The following CSMD3 variants were observed in gnomAD, a reference collection of about 807,000 sequenced individuals.
The protein encoded by CSMD3 is CUB and sushi domain-containing protein 3.
CSMD3 carries 177 observed loss-of-function variants against 435.2 expected under a neutral mutation model. The observed-to-expected ratio is 0.41, with a 90% confidence interval of 0.36 to 0.46. The LOEUF is 0.46. Ranked by LOEUF, CSMD3 falls within the 20% of genes least tolerant of loss-of-function variation. The pLI is 0.34. For missense variants in CSMD3, 4,265 were observed against 4,504.6 expected (o/e 0.95, Z 1.52); for synonymous variants, 1,656 against 1,520.5 (o/e 1.09, Z -2.07).
rs2130813668 is a variant in CSMD3, at chr8:112,311,055, A to G, written c.7808T>C (p.Val2603Ala). The change falls in exon 50 of 71, where the codon GTT becomes GCT. Residue 2603 changes from valine (V) to alanine (A), a missense_variant. By Grantham distance (64) the Val-to-Ala change is moderately conservative (BLOSUM62 0). Coordinates refer to ENST00000297405, the MANE Select transcript of CSMD3 (RefSeq NM_198123.2). ...RWACDRGFRL[V>A]GKSSAVCRKS... ...TCTGCACACAGCACTGCTTTTTCCAACAAGTCGGAATCCTCGATCACAGGC... is the reference window on the plus strand; with the variant it reads ...TCTGCACACAGCACTGCTTTTTCCAGCAAGTCGGAATCCTCGATCACAGGC... 6.2e-7 allele frequency: 1 copy of G among 1,614,110 alleles called. No homozygotes were observed. The highest frequency in any genetic ancestry group is 8.5e-7 in the Non-Finnish European group (1 of 1,179,996).
intron 22 of CSMD3, among the ~76,000 whole-genome samples, chr8:112,621,291 A>G (rs918605041): frequency 2.6e-5 from 4 of 152,130 alleles, no homozygotes; most frequent in Admixed American, 2.0e-4. Flanking sequence ...CAAAATATCA[A>G]TAATTGTTAA....
chr8:112,483,851 C>G (rs1223305537), intron 31 of CSMD3, among the ~76,000 whole-genome samples: 3 of 152,182 alleles, frequency 2.0e-5, no homozygotes, highest in Non-Finnish European at 2.9e-5. Context: ...CACTGTCACT[C>G]TCTAGGAGAA....
intron 14 of CSMD3, among the ~76,000 whole-genome samples, chr8:112,687,517 T>C (rs1297534576): frequency 6.6e-6 from 1 of 152,200 alleles, no homozygotes; most frequent in African/African-American, 2.4e-5. Context: ...TATGTTTTAT[T>C]AACATTCAGA....
chr8:113,134,624 C>T (rs1019760550), intron 4 of CSMD3, among the ~76,000 whole-genome samples: 1 of 152,030 alleles, frequency 6.6e-6, no homozygotes, highest in African/African-American at 2.4e-5. Flanking sequence ...TGCATACACA[C>T]ATATGAAATA....
intron 24 of CSMD3, among the ~76,000 whole-genome samples, chr8:112,558,111 G>A (rs7845870): frequency 0.012 from 1,839 of 151,906 alleles, 36 homozygotes; most frequent in African/African-American, 0.043. Context: ...TGAATGAAAA[G>A]TGATTAGAAG....
At chr8:112,921,155 T>C (rs187128891) in intron 10 of CSMD3, among the ~76,000 whole-genome samples, 89 of 151,884 alleles carry the variant, frequency 5.9e-4, no homozygotes, top group African/African-American at 2.1e-3. Flanking sequence ...TTATTGATAA[T>C]GTGACATATA....
chr8:113,223,643 C>G (rs1588308999), intron 3 of CSMD3, among the ~76,000 whole-genome samples: 1 of 142,254 alleles, frequency 7.0e-6, no homozygotes, highest in East Asian at 2.1e-4. Context: ...ATATATTTAT[C>G]TTAAAATTAT....
intron 24 of CSMD3, among the ~76,000 whole-genome samples, chr8:112,572,548 T>C (rs1829618770): frequency 6.6e-6 from 1 of 152,110 alleles, no homozygotes. Flanking sequence ...TTTAACTTCT[T>C]AGTTTCTATA....
At chr8:112,898,614 T>G (rs2082017765) in intron 10 of CSMD3, among the ~76,000 whole-genome samples, 1 of 151,150 alleles carries the variant, frequency 6.6e-6, no homozygotes, top group Non-Finnish European at 1.5e-5. Flanking sequence ...GTAAACAAAT[T>G]TGACATTGGG....
rs200501309 is a variant in CSMD3 at position 112,314,049 on chromosome 8, G to T, written c.7553C>A (p.Pro2518Gln). 2 of 1,605,002 alleles carry T rather than the reference G, an allele frequency of 1.2e-6. No individual in the cohort carries two copies. Among genetic ancestry groups the T allele is most frequent in the African/African-American group, 1.3e-5 (1 of 74,768 alleles). ...AATAAGCACTGGACTTTGAATATTT[G>T]GTCCTTTGGGAAGAAAATAAAACAA... ...EFDVLQVYDG[P>Q]NIQSPVLISL... The change falls in exon 49 of 71, where the codon CCA (proline) becomes CAA (glutamine). Residue 2518 changes from proline (P) to glutamine (Q), a missense_variant. Physicochemically the swap from Pro to Gln is moderately conservative, Grantham distance 76. This residue lies in a region of CSMD3 where 3,255 missense variants were observed against 3,380.2 expected (regional missense o/e 0.96). Coordinates refer to ENST00000297405, the MANE Select transcript of CSMD3 (RefSeq NM_198123.2).
At chr8:112,566,844 T>C (rs1435309265) in intron 24 of CSMD3, among the ~76,000 whole-genome samples, 2 of 152,096 alleles carry the variant, frequency 1.3e-5, no homozygotes, top group East Asian at 1.9e-4. Context: ...GTGTGTTATG[T>C]AAATGTCATA....
intron 7 of CSMD3, among the ~76,000 whole-genome samples, chr8:112,968,850 A>G (rs1438966996): frequency 1.1e-4 from 16 of 151,988 alleles, no homozygotes; most frequent in African/African-American, 3.9e-4. Flanking sequence ...ATATATTTAC[A>G]TGACTACTCA....
At chr8:112,885,299 C>A (rs1275450300) in intron 10 of CSMD3, among the ~76,000 whole-genome samples, 2 of 151,068 alleles carry the variant, frequency 1.3e-5, no homozygotes, top group Non-Finnish European at 3.0e-5. Flanking sequence ...AACAGAGGAG[C>A]CTTCTAAGAA....
At chr8:112,347,265 T>A (rs2131031412) in intron 40 of CSMD3, among the ~76,000 whole-genome samples, 1 of 152,274 alleles carries the variant, frequency 6.6e-6, no homozygotes, top group South Asian at 2.1e-4. Context: ...GAAAGGCAAT[T>A]GCATTTTAGA....
chr8:112,851,829 T>C (rs1011903592), intron 11 of CSMD3, among the ~76,000 whole-genome samples: 2 of 151,886 alleles, frequency 1.3e-5, no homozygotes. Flanking sequence ...AGCTACTCAA[T>C]ACATACTTAT....
At chr8:113,223,728 T>A (rs2092995548) in intron 3 of CSMD3, among the ~76,000 whole-genome samples, 1 of 146,652 alleles carries the variant, frequency 6.8e-6, no homozygotes. Flanking sequence ...TAAGGCAAAA[T>A]CCTACTTTAA....
rs1297243472 is a variant in CSMD3 at position 112,306,023 on chromosome 8, CTTGTTATGA to C, written c.8046_8054del (p.Asn2682_Asn2684del). The C allele has an allele frequency of 6.2e-7, 1 of 1,613,408 alleles. No homozygotes were observed. The highest frequency in any genetic ancestry group is 8.5e-7 in the Non-Finnish European group (1 of 1,179,568). On this transcript the variant is annotated inframe_deletion, in exon 51 of 71. Transcript: ENST00000297405. The stretch of plus-strand genomic sequence containing the variant: ...CACACATACCAACACAGCGAGGGGT[CTTGTTATGA>C]TTGCTCCATGTTCCATCTGATTGGC...
At chr8:112,245,193 C>T (rs1814607526) in intron 64 of CSMD3, among the ~76,000 whole-genome samples, 1 of 151,854 alleles carries the variant, frequency 6.6e-6, no homozygotes, top group Admixed American at 6.6e-5. Context: ...GTTCACCTAA[C>T]TCTCTCTCCT....
intron 6 of CSMD3, among the ~76,000 whole-genome samples, chr8:113,012,657 A>G (rs2131135296): frequency 6.6e-6 from 1 of 152,050 alleles, no homozygotes; most frequent in Middle Eastern, 3.4e-3. Context: ...CCCTTCTGTC[A>G]TGAGTGTAAG....
Sources: allele counts gnomAD v4.1 joint callset (sites outside exome capture counted in the v4.1 genomes callset), GRCh38; gene constraint gnomAD v4.1.1; regional missense constraint gnomAD v4.1.1; transcripts MANE v1.5; gene names NCBI Gene and HGNC (gene_info 2026-07-23, HGNC 2026-07-21).